Variants in MYOM2 observed in about 807,000 individuals in gnomAD.
The protein encoded by MYOM2 is myomesin 2, also known as myomesin-2.
A neutral mutation model predicts 187.6 loss-of-function variants in MYOM2; 254 were observed. That is an observed-to-expected ratio of 1.35 (90% CI 1.22 to 1.50). The LOEUF (loss-of-function observed/expected upper bound fraction) is 1.50, where lower values mean the gene tolerates loss of function less well. Ranked by LOEUF, MYOM2 falls within the 40% of genes most tolerant of loss-of-function variation. The pLI is 0.00. For synonymous variants in MYOM2, 981 were observed against 753.8 expected, an observed-to-expected ratio of 1.30 and a Z score of -4.94; for missense variants, 2,796 against 1,924.0, an observed-to-expected ratio of 1.45 and a Z score of -8.48.
At chr8:2,079,745 C>A in intron 13 of MYOM2, 132 bp downstream of exon 13, 2 of 962,122 alleles carry the variant, frequency 2.1e-6, no homozygotes, top group South Asian at 2.6e-5. Flanking sequence ...AACCGCAGGT[C>A]AGGCCTGCAA....
At chr8:2,090,922 A>G (rs377102716) in intron 15 of MYOM2, among the ~76,000 whole-genome samples, 2 of 152,000 alleles carry the variant, frequency 1.3e-5, no homozygotes, top group African/African-American at 2.4e-5. Context: ...TAGTGCTGCA[A>G]TGAACATTCG....
chr8:2,123,195 C>T (rs1022084034), intron 28 of MYOM2, 57 bp from the exon 29 acceptor site: 2 of 1,192,914 alleles, frequency 1.7e-6, no homozygotes, highest in African/African-American at 1.5e-5. Context: ...AATAGACTTT[C>T]TTTTTCTCAT....
At chr8:2,087,334 A>T (rs1407652620) in intron 14 of MYOM2, among the ~76,000 whole-genome samples, 3 of 152,216 alleles carry the variant, frequency 2.0e-5, no homozygotes, top group African/African-American at 7.2e-5. Context: ...CGGAAACAGG[A>T]ATGGAAACGA....
At chr8:2,079,702 C>T (rs987715065) in intron 13 of MYOM2, 89 bp downstream of exon 13, 7 of 1,343,736 alleles carry the variant, frequency 5.2e-6, no homozygotes, top group Admixed American at 1.7e-5. Context: ...AGAACGCCCC[C>T]TACTGGGCAC....
chr8:2,104,964 G>T (rs575260323), intron 21 of MYOM2, among the ~76,000 whole-genome samples: 3 of 152,272 alleles, frequency 2.0e-5, no homozygotes, highest in African/African-American at 4.8e-5. Context: ...TTTTTATAGA[G>T]ACAGGATCTC....
At chr8:2,108,639 C>G (rs1291042793) in intron 23 of MYOM2, 147 bp from the exon 24 acceptor site, 1 of 768,984 alleles carries the variant, frequency 1.3e-6, no homozygotes, top group Non-Finnish European at 2.2e-6. Context: ...TCCTCTATGT[C>G]CCTCAGACTT....
chr8:2,093,835 A>G lies in MYOM2; in HGVS notation c.2004-135A>G, dbSNP rs538328170. On this transcript the variant is annotated intron_variant, in intron 16 of 36. Coordinates refer to ENST00000262113, the MANE Select transcript of MYOM2 (RefSeq NM_003970.4). ...TCGGACTCTACATGTTGAGCTAATT[A>G]ACTAGAATTGAAAATGAAGGATGTA... is the stretch of plus-strand genomic sequence containing the variant. 10 of 1,043,818 alleles carry G rather than the reference A, an allele frequency of 9.6e-6. No individual in the cohort carries two copies. In the South Asian group the frequency reaches 1.6e-4, roughly 16 times the overall value. The allele number at this position is 1,043,818 out of a possible 1,614,324, so 64.7% of individuals were successfully genotyped here. A position where few individuals can be genotyped will look rare whatever the true frequency, so the allele number is the denominator to read the frequency against.
intron 6 of MYOM2, among the ~76,000 whole-genome samples, chr8:2,064,171 C>A (rs1242944970): frequency 6.6e-6 from 1 of 152,192 alleles, no homozygotes; most frequent in African/African-American, 2.4e-5. Context: ...TCTGCCCAGG[C>A]CCCCTGCTTC....
intron 33 of MYOM2, 26 bp from the exon 34 acceptor site, chr8:2,141,115 G>C: frequency 6.2e-7 from 1 of 1,605,624 alleles, no homozygotes; most frequent in Non-Finnish European, 8.5e-7. Context: ...GAAATGGTTA[G>C]TAACGTATGA....
At chr8:2,046,558 A>G (rs1350293885) in intron 1 of MYOM2, among the ~76,000 whole-genome samples, 1 of 152,100 alleles carries the variant, frequency 6.6e-6, no homozygotes, top group Non-Finnish European at 1.5e-5. Flanking sequence ...CAGGCTGTCC[A>G]AGCTGGGGGA....
At chr8:2,047,881 T>A (rs1818359041) in intron 1 of MYOM2, among the ~76,000 whole-genome samples, 1 of 152,214 alleles carries the variant, frequency 6.6e-6, no homozygotes, top group Non-Finnish European at 1.5e-5. Context: ...CAGGACCGGA[T>A]GTCACGTCAG....
At chr8:2,128,458 A>C (rs6991515) in intron 31 of MYOM2, among the ~76,000 whole-genome samples, 14,442 of 152,274 alleles carry the variant, frequency 0.095, 1,062 homozygotes, top group South Asian at 0.19. Context: ...AAGGCTGAAT[A>C]TCTGATAACA....
intron 14 of MYOM2, among the ~76,000 whole-genome samples, chr8:2,086,772 C>A (rs556421331): frequency 2.6e-5 from 4 of 152,282 alleles, no homozygotes; most frequent in Admixed American, 2.6e-4. Flanking sequence ...AGGGTTCTAG[C>A]GTCTCCTTCC....
At chr8:2,104,210 A>C (rs1796816634) in intron 21 of MYOM2, among the ~76,000 whole-genome samples, 1 of 152,166 alleles carries the variant, frequency 6.6e-6, no homozygotes, top group Non-Finnish European at 1.5e-5. Flanking sequence ...TCAACCTAAA[A>C]AGGGCAAATA....
chr8:2,057,501 G>T lies in MYOM2; in HGVS notation c.402+15G>T, dbSNP rs1818707321. 6.2e-7 allele frequency: 1 copy of T among 1,613,844 alleles called. No individual in the cohort carries two copies. Among genetic ancestry groups the T allele is most frequent in the African/African-American group, 1.3e-5 (1 of 75,042 alleles). ...TTCAGCAGATGGTAGGAGGGTCTCA[G>T]GGTGGCTGGGTGTCTGGGAAGCGTG... On this transcript the variant is annotated intron_variant, in intron 4 of 36. Coordinates refer to ENST00000262113, the MANE Select transcript of MYOM2 (RefSeq NM_003970.4).
At chr8:2,072,166 G>A (rs1819245933) in intron 8 of MYOM2, among the ~76,000 whole-genome samples, 179 bp from the exon 9 acceptor site, 1 of 152,164 alleles carries the variant, frequency 6.6e-6, no homozygotes, top group African/African-American at 2.4e-5. Flanking sequence ...GGGAGGCGAA[G>A]CCTGCAGTGA....
intron 19 of MYOM2, among the ~76,000 whole-genome samples, chr8:2,099,996 T>TTTCC (rs1233029762): frequency 7.9e-6 from 1 of 126,692 alleles, no homozygotes; most frequent in African/African-American, 2.6e-5. Flanking sequence ...TCCTTCCTTC[T>TTTCC]TTCCTTCCTT....
chr8:2,076,353 A>G lies in MYOM2; in HGVS notation c.1262+71A>G. On this transcript the variant is annotated intron_variant, in intron 11 of 36. Coordinates refer to ENST00000262113, the MANE Select transcript of MYOM2 (RefSeq NM_003970.4). ...ATCTTACCATGGACAATATATTGAG[A>G]AATTTTTCTCAATGCAGGTTGACGT... 2.6e-6 allele frequency: 4 copies of G among 1,549,026 alleles called. No homozygotes were observed. In the South Asian group the frequency reaches 4.8e-5, roughly 19 times the overall value.
At chr8:2,113,575 G>C (rs942012454) in intron 25 of MYOM2, among the ~76,000 whole-genome samples, 1 of 152,182 alleles carries the variant, frequency 6.6e-6, no homozygotes, top group South Asian at 2.1e-4. Flanking sequence ...TTGCAGCCAG[G>C]GATGGAGGAA....
Sources: gnomAD v4.1 joint callset for allele counts (sites outside exome capture counted in the v4.1 genomes callset) on GRCh38, gnomAD v4.1.1 for gene constraint, MANE v1.5 for transcripts, NCBI Gene and HGNC (gene_info 2026-07-23, HGNC 2026-07-21) for gene names.